SMARCC1: variants seen among roughly 807,000 people sequenced by gnomAD.
The protein encoded by SMARCC1 is SWI/SNF complex subunit SMARCC1.
A neutral mutation model predicts 147.4 loss-of-function variants in SMARCC1; 43 were observed. That is an observed-to-expected ratio of 0.29 (90% CI 0.23 to 0.38). SMARCC1 has a LOEUF of 0.38. Among genes scored for constraint, SMARCC1 ranks in the 10% least tolerant of loss-of-function variants. The pLI is 1.00. For synonymous variants in SMARCC1, 495 were observed against 484.4 expected (o/e 1.02, Z -0.29); for missense variants, 1,119 against 1,381.1 (o/e 0.81, Z 3.01).
At chr3:47,601,264 G>T (rs1412421575) in intron 26 of SMARCC1, among the ~76,000 whole-genome samples, 1 of 151,942 alleles carries the variant, frequency 6.6e-6, no homozygotes, top group Non-Finnish European at 1.5e-5. Context: ...TTACACTCAT[G>T]ACACTTAATG....
At chr3:47,612,734 TA>T (rs1310897459) in intron 25 of SMARCC1, among the ~76,000 whole-genome samples, 1 of 151,666 alleles carries the variant, frequency 6.6e-6, no homozygotes, top group African/African-American at 2.4e-5. Flanking sequence ...GAAGGTAATT[TA>T]AAAAAAGTAA....
chr3:47,742,685 T>C (rs1314942422), intron 3 of SMARCC1, among the ~76,000 whole-genome samples: 1 of 152,164 alleles, frequency 6.6e-6, no homozygotes, highest in Non-Finnish European at 1.5e-5. Context: ...TGAACTCAAG[T>C]GATCCTCCCA....
intron 18 of SMARCC1, among the ~76,000 whole-genome samples, chr3:47,670,934 T>C (rs960834933): frequency 6.6e-6 from 1 of 151,776 alleles, no homozygotes; most frequent in Non-Finnish European, 1.5e-5. Context: ...GCCTGTAATC[T>C]CAGCCCTTGG....
intron 11 of SMARCC1, among the ~76,000 whole-genome samples, chr3:47,695,489 G>A (rs1036559261): frequency 1.3e-5 from 2 of 151,996 alleles, no homozygotes; most frequent in African/African-American, 2.4e-5. Context: ...TTTGTCATCC[G>A]GGCGCGGTGG....
intron 1 of SMARCC1, 113 bp downstream of exon 1, chr3:47,781,490 T>C: frequency 1.5e-6 from 1 of 684,854 alleles, no homozygotes; most frequent in East Asian, 3.7e-5. Context: ...CGCCTGCCTT[T>C]GTTGTCCCTC....
chr3:47,652,981 G>A (rs1689710220), intron 21 of SMARCC1, among the ~76,000 whole-genome samples: 4 of 132,266 alleles, frequency 3.0e-5, no homozygotes, highest in Admixed American at 1.8e-4. Context: ...ACGGAGTCTC[G>A]CTCTGTCGCC....
chr3:47,771,490 G>A (rs2034913658), intron 2 of SMARCC1, among the ~76,000 whole-genome samples: 1 of 152,222 alleles, frequency 6.6e-6, no homozygotes, highest in South Asian at 2.1e-4. Context: ...GCTCCCACTT[G>A]TAATCCCAGT....
chr3:47,619,711 T>C (rs1433408355), intron 25 of SMARCC1, among the ~76,000 whole-genome samples: 1 of 152,194 alleles, frequency 6.6e-6, no homozygotes, highest in African/African-American at 2.4e-5. Flanking sequence ...ATAAGCTCAA[T>C]GACAGATGTA....
intron 8 of SMARCC1, among the ~76,000 whole-genome samples, chr3:47,712,048 C>A (rs2034090289): frequency 6.6e-6 from 1 of 152,094 alleles, no homozygotes; most frequent in African/African-American, 2.4e-5. Flanking sequence ...GCCTGACCAA[C>A]AAGGAGAAAC....
At chr3:47,744,553 G>A (rs2034546185) in intron 3 of SMARCC1, among the ~76,000 whole-genome samples, 2 of 152,038 alleles carry the variant, frequency 1.3e-5, no homozygotes, top group African/African-American at 4.8e-5. Flanking sequence ...AAAGTATTGG[G>A]TTAGCTTAAC....
chr3:47,736,569 G>C (rs1056909364), intron 4 of SMARCC1, among the ~76,000 whole-genome samples: 2 of 151,940 alleles, frequency 1.3e-5, no homozygotes, highest in African/African-American at 4.8e-5. Flanking sequence ...CCAGCTACTC[G>C]GGAGGCTGAG....
intron 2 of SMARCC1, among the ~76,000 whole-genome samples, chr3:47,759,167 A>G (rs2034741389): frequency 6.6e-6 from 1 of 151,512 alleles, no homozygotes; most frequent in Non-Finnish European, 1.5e-5. Context: ...GCCCTCCCAA[A>G]CGCCTGGCTA....
chr3:47,625,237 A>AG (rs2032791643), intron 24 of SMARCC1, among the ~76,000 whole-genome samples: 1 of 149,124 alleles, frequency 6.7e-6, no homozygotes. Flanking sequence ...AGGTGGGTGG[A>AG]TCACTTGAGG....
chr3:47,770,069 CA>C (rs535551573), intron 2 of SMARCC1, among the ~76,000 whole-genome samples: 3 of 147,630 alleles, frequency 2.0e-5, no homozygotes, highest in South Asian at 2.1e-4. Context: ...ACTAAAAATA[CA>C]AAAAAAAAAT....
chr3:47,676,855 A>G, intron 16 of SMARCC1, 73 bp from the exon 17 acceptor site: 12 of 1,306,930 alleles, frequency 9.2e-6, no homozygotes, highest in Non-Finnish European at 1.2e-5. Flanking sequence ...TCATCATGCC[A>G]TTAAAAAACA....
chr3:47,749,160 C>T (rs1391640653), intron 2 of SMARCC1, among the ~76,000 whole-genome samples: 9 of 151,676 alleles, frequency 5.9e-5, no homozygotes, highest in Non-Finnish European at 7.4e-5. Context: ...AAAAATTAGC[C>T]GGGCGTGGTG....
intron 4 of SMARCC1, among the ~76,000 whole-genome samples, chr3:47,737,610 T>G (rs559435120): frequency 3.3e-5 from 5 of 152,242 alleles, no homozygotes; most frequent in African/African-American, 1.2e-4. Context: ...GGCAATCCAA[T>G]AAAGCCAATC....
chr3:47,761,322 G>C (rs1222832686), intron 2 of SMARCC1, among the ~76,000 whole-genome samples: 4 of 151,780 alleles, frequency 2.6e-5, no homozygotes, highest in Non-Finnish European at 4.4e-5. Context: ...AAGACAGGCT[G>C]AATTATCTCA....
chr3:47,602,772 G>A (rs1173910734), intron 26 of SMARCC1, among the ~76,000 whole-genome samples: 1 of 152,182 alleles, frequency 6.6e-6, no homozygotes, highest in Non-Finnish European at 1.5e-5. Flanking sequence ...CACACATAGA[G>A]TACACACGAA....
Sources: gnomAD v4.1 joint callset for allele counts (sites outside exome capture counted in the v4.1 genomes callset) on GRCh38, gnomAD v4.1.1 for gene constraint, MANE v1.5 for transcripts, NCBI Gene and HGNC (gene_info 2026-07-23, HGNC 2026-07-21) for gene names.